GALNTL6: variants seen among roughly 807,000 people sequenced by gnomAD.
The protein encoded by GALNTL6 is polypeptide N-acetylgalactosaminyltransferase like 6, also known as polypeptide N-acetylgalactosaminyltransferase-like 6.
Under a neutral mutation model 73.7 loss-of-function variants are expected in GALNTL6, and 46 were observed. That is an observed-to-expected ratio of 0.62 (90% confidence interval 0.49 to 0.80). The LOEUF (loss-of-function observed/expected upper bound fraction) is 0.80. Among genes scored for constraint, GALNTL6 ranks in the 30% least tolerant of loss-of-function variants. The pLI is 0.00. For missense variants in GALNTL6, 604 were observed against 755.0 expected, an observed-to-expected ratio of 0.80 and a Z score of 2.34; for synonymous variants, 259 against 263.7, an observed-to-expected ratio of 0.98 and a Z score of 0.17.
chr4:172,971,254 T>C (rs1161545187), intron 10 of GALNTL6, among the ~76,000 whole-genome samples: 1 of 152,218 alleles, frequency 6.6e-6, no homozygotes, highest in Non-Finnish European at 1.5e-5. Flanking sequence ...TAAATTTGTT[T>C]ATTAAAAATT....
intron 2 of GALNTL6, among the ~76,000 whole-genome samples, chr4:171,996,947 C>G (rs1279779167): frequency 2.6e-5 from 4 of 152,078 alleles, no homozygotes; most frequent in African/African-American, 9.7e-5. Flanking sequence ...AAACTTGTCT[C>G]TGATTGGACA....
At chr4:171,983,442 G>A (rs984832975) in intron 2 of GALNTL6, among the ~76,000 whole-genome samples, 23 of 151,786 alleles carry the variant, frequency 1.5e-4, no homozygotes, top group African/African-American at 5.6e-4. Context: ...TGCAGTTAAG[G>A]CCAGCTTCAG....
intron 2 of GALNTL6, among the ~76,000 whole-genome samples, chr4:171,906,413 C>T (rs1353519226): frequency 1.3e-5 from 2 of 151,484 alleles, no homozygotes; most frequent in African/African-American, 2.4e-5. Flanking sequence ...ATAAATTCCT[C>T]GACACATACA....
At chr4:172,543,928 G>C (rs1338979772) in intron 5 of GALNTL6, among the ~76,000 whole-genome samples, 1 of 152,220 alleles carries the variant, frequency 6.6e-6, no homozygotes, top group African/African-American at 2.4e-5. Context: ...AAAATTTATT[G>C]GCTCCTCACA....
chr4:172,334,988 T>C (rs1317510430), intron 4 of GALNTL6, among the ~76,000 whole-genome samples: 2 of 151,892 alleles, frequency 1.3e-5, no homozygotes, highest in Admixed American at 6.6e-5. Context: ...TATGACTTTT[T>C]TTTTTTTTTT....
At chr4:171,864,044 G>A (rs1039221904) in intron 2 of GALNTL6, among the ~76,000 whole-genome samples, 1 of 152,160 alleles carries the variant, frequency 6.6e-6, no homozygotes, top group South Asian at 2.1e-4. Context: ...TTACAGGCGT[G>A]AGCCATGGCA....
intron 5 of GALNTL6, among the ~76,000 whole-genome samples, chr4:172,621,660 C>T (rs749169874): frequency 1.4e-4 from 21 of 152,128 alleles, no homozygotes; most frequent in Non-Finnish European, 2.5e-4. Flanking sequence ...ACATGATATA[C>T]TTTCTGATAT....
chr4:171,847,381 G>C (rs930959520), intron 2 of GALNTL6, among the ~76,000 whole-genome samples: 6 of 152,114 alleles, frequency 3.9e-5, no homozygotes, highest in Non-Finnish European at 8.8e-5. Context: ...CTGGTAGAGA[G>C]ACTTGCCTCG....
intron 5 of GALNTL6, among the ~76,000 whole-genome samples, chr4:172,576,194 A>T (rs1736949141): frequency 6.6e-6 from 1 of 152,164 alleles, no homozygotes; most frequent in South Asian, 2.1e-4. Context: ...GCCCATTCTA[A>T]TGGCCATGAG....
intron 2 of GALNTL6, among the ~76,000 whole-genome samples, chr4:172,043,870 G>A (rs975893225): frequency 2.0e-5 from 3 of 151,932 alleles, no homozygotes; most frequent in African/African-American, 4.8e-5. Context: ...TTAAATGTTC[G>A]CTTTAAATGT....
At chr4:172,337,294 T>C (rs986303422) in intron 4 of GALNTL6, among the ~76,000 whole-genome samples, 2 of 152,132 alleles carry the variant, frequency 1.3e-5, no homozygotes, top group African/African-American at 4.8e-5. Context: ...TCAAGGTTAA[T>C]GATGATATGT....
intron 5 of GALNTL6, among the ~76,000 whole-genome samples, chr4:172,714,230 G>T (rs1323853263): frequency 6.6e-6 from 1 of 152,072 alleles, no homozygotes; most frequent in Non-Finnish European, 1.5e-5. Flanking sequence ...TTGGAGGTTA[G>T]AAGCAAGATA....
intron 2 of GALNTL6, among the ~76,000 whole-genome samples, chr4:172,138,264 C>T (rs1484090000): frequency 2.0e-5 from 3 of 151,064 alleles, no homozygotes; most frequent in Non-Finnish European, 2.9e-5. Context: ...CGCAGACCCA[C>T]AGGAATATTC....
chr4:172,713,290 A>G (rs532043809), intron 5 of GALNTL6, among the ~76,000 whole-genome samples: 39 of 150,270 alleles, frequency 2.6e-4, no homozygotes, highest in African/African-American at 9.0e-4. Flanking sequence ...AGAAAGATTT[A>G]TTTTAAGGAA....
Position 171,971,673 on chromosome 4 carries a change from A to T in GALNTL6, c.138+156955A>T, listed in dbSNP as rs376631720. ...GTTGATTTGTAGGTTTCTGTAAAGC[A>T]ATTCATTGAAATGCAATGGGTCTGG... On this transcript the variant is annotated intron_variant, in intron 2 of 12. Transcript: ENST00000506823. Among the ~76,000 whole-genome samples, 4 of 152,336 alleles carry T rather than the reference A, an allele frequency of 2.6e-5. No individual in the cohort carries two copies. The East Asian group carries it at 5.8e-4, about 22-fold the overall frequency.
chr4:172,477,354 A>G (rs1223922007), intron 5 of GALNTL6, among the ~76,000 whole-genome samples: 2 of 152,184 alleles, frequency 1.3e-5, no homozygotes, highest in Non-Finnish European at 2.9e-5. Context: ...TAATGTAAGA[A>G]GGAACATTCT....
intron 8 of GALNTL6, among the ~76,000 whole-genome samples, chr4:172,904,868 G>T (rs1746805061): frequency 6.6e-6 from 1 of 151,930 alleles, no homozygotes; most frequent in Non-Finnish European, 1.5e-5. Context: ...AAACACACTG[G>T]GCATAACAAG....
rs375943303 is a variant in GALNTL6, at chr4:172,441,974, G to C, written c.553+93285G>C. 3.9e-5 allele frequency among the ~76,000 whole-genome samples: 6 copies of C among 152,158 alleles called. No homozygotes were observed. In the East Asian group the frequency reaches 9.6e-4, roughly 24 times the overall value. On this transcript the variant is annotated intron_variant, in intron 5 of 12. Transcript: ENST00000506823. ...AAGAAATTTCCAGTCACATTATCCA[G>C]CATCAGGGAAATGATAGACCCTTCT...
intron 8 of GALNTL6, among the ~76,000 whole-genome samples, chr4:172,904,640 C>T (rs13129952): frequency 0.52 from 79,515 of 151,946 alleles, 22,317 homozygotes; most frequent in South Asian, 0.62. Context: ...TTCCTCTCCA[C>T]CCTGGTCCTC....
Sources: gnomAD v4.1 joint callset for allele counts (sites outside exome capture counted in the v4.1 genomes callset) on GRCh38, gnomAD v4.1.1 for gene constraint, MANE v1.5 for transcripts, NCBI Gene and HGNC (gene_info 2026-07-23, HGNC 2026-07-21) for gene names.